DYM: variants seen among roughly 807,000 people sequenced by gnomAD.
The protein encoded by DYM is dymeclin, also known as dyggve-Melchior-Clausen syndrome protein.
Under a neutral mutation model 93.1 loss-of-function variants are expected in DYM, and 78 were observed. That is an observed-to-expected ratio of 0.84 (90% CI 0.70 to 1.01). The LOEUF is 1.01. Ranked by LOEUF, DYM falls within the 50% of genes least tolerant of loss-of-function variation. The pLI is 0.00. For synonymous variants in DYM, 321 were observed against 319.7 expected (o/e 1.00, Z -0.04); for missense variants, 789 against 845.0 (o/e 0.93, Z 0.82).
At chr18:49,452,569 A>G (rs1443048334) in intron 1 of DYM, among the ~76,000 whole-genome samples, 2 of 152,104 alleles carry the variant, frequency 1.3e-5, no homozygotes, top group Middle Eastern at 3.4e-3. Context: ...GCATTTACAA[A>G]CCTTGAGCTA....
At chr18:49,442,172 T>C (rs2081695234) in intron 1 of DYM, among the ~76,000 whole-genome samples, 1 of 152,168 alleles carries the variant, frequency 6.6e-6, no homozygotes, top group Non-Finnish European at 1.5e-5. Context: ...AATCAGTTTT[T>C]GGGTAGTCTC....
rs866432027 is a variant in DYM, at chr18:49,138,603, A to T, written c.1729-19677T>A. 7.2e-5 allele frequency among the ~76,000 whole-genome samples: 11 copies of T among 152,310 alleles called. No homozygotes were observed. In the Middle Eastern group the frequency reaches 0.01, roughly 141 times the overall value. The stretch of plus-strand genomic sequence containing the variant: ...TTAACAGGCTAATTGATGCAATTTA[A>T]TCAGTTCTCCCAATAGCTATCAGTT... On this transcript the variant is annotated intron_variant, in intron 15 of 17. Transcript: ENST00000675505.
intron 10 of DYM, among the ~76,000 whole-genome samples, chr18:49,280,018 C>G (rs1191157290): frequency 2.6e-5 from 4 of 152,130 alleles, no homozygotes; most frequent in Admixed American, 2.6e-4. Flanking sequence ...AAAACTGGTA[C>G]AGAGGGAACA....
intron 7 of DYM, among the ~76,000 whole-genome samples, chr18:49,332,384 G>T (rs766212655): frequency 2.0e-5 from 3 of 152,136 alleles, no homozygotes; most frequent in Non-Finnish European, 2.9e-5. Context: ...TTACAGGCGT[G>T]AGCCACCGTG....
chr18:49,044,709 G>A (rs1391767903), intron 17 of DYM, among the ~76,000 whole-genome samples: 2 of 152,232 alleles, frequency 1.3e-5, no homozygotes, highest in East Asian at 1.9e-4. Context: ...CTGGAGGAGC[G>A]GGGGTCTGGG....
At chr18:49,118,960 G>T in intron 15 of DYM, 34 bp from the exon 16 acceptor site, 3 of 1,576,820 alleles carry the variant, frequency 1.9e-6, no homozygotes, top group Non-Finnish European at 2.6e-6. Context: ...CACAGAGTCA[G>T]TCTTTTCCTC....
chr18:49,071,948 A>G (rs1047871252), intron 17 of DYM, among the ~76,000 whole-genome samples: 1 of 152,156 alleles, frequency 6.6e-6, no homozygotes, highest in African/African-American at 2.4e-5. Flanking sequence ...TAACTGCCAC[A>G]TGCACGCTGC....
rs778328204 is a variant in DYM, at chr18:49,061,092, C to A, written c.2026-16888G>T. 3.3e-5 allele frequency among the ~76,000 whole-genome samples: 5 copies of A among 152,278 alleles called. No homozygotes were observed. The South Asian group carries it at 6.2e-4, about 19-fold the overall frequency. ...AGAAGATACCAAAAAGTAGAGGCAG[C>A]GCCTCCGAACCATGGTGTTCATAAT... is the stretch of plus-strand genomic sequence containing the variant. On this transcript the variant is annotated intron_variant, in intron 17 of 17. Transcript: ENST00000675505.
At chr18:49,092,785 G>C (rs376436000) in intron 17 of DYM, among the ~76,000 whole-genome samples, 1 of 152,204 alleles carries the variant, frequency 6.6e-6, no homozygotes, top group African/African-American at 2.4e-5. Context: ...AAGGGTGGTA[G>C]AAGGAGAAGG....
intron 8 of DYM, among the ~76,000 whole-genome samples, chr18:49,317,488 A>C (rs1228042278): frequency 1.3e-5 from 2 of 151,456 alleles, no homozygotes; most frequent in Non-Finnish European, 2.9e-5. Context: ...GGTTTGCCAA[A>C]AGTCTTTAAC....
intron 17 of DYM, among the ~76,000 whole-genome samples, chr18:49,065,277 G>A (rs571140299): frequency 4.2e-4 from 64 of 152,248 alleles, no homozygotes; most frequent in African/African-American, 1.5e-3. Flanking sequence ...CAGTAACTCT[G>A]CTAACTCCAA....
chr18:49,100,140 GTA>G (rs999252572), intron 16 of DYM, among the ~76,000 whole-genome samples: 19 of 149,332 alleles, frequency 1.3e-4, no homozygotes, highest in African/African-American at 4.1e-4. Flanking sequence ...CTGGAAGGTT[GTA>G]AAGGCCAATA....
intron 13 of DYM, among the ~76,000 whole-genome samples, chr18:49,214,236 T>C (rs1488553084): frequency 2.0e-5 from 3 of 152,230 alleles, no homozygotes; most frequent in African/African-American, 7.2e-5. Flanking sequence ...AAGCTTCATC[T>C]GTATTCAGAG....
At chr18:49,409,442 G>A (rs2071947220) in intron 2 of DYM, among the ~76,000 whole-genome samples, 1 of 152,152 alleles carries the variant, frequency 6.6e-6, no homozygotes, top group South Asian at 2.1e-4. Context: ...AGGAGGTGAT[G>A]GAAGAGAAAC....
chr18:49,209,104 A>G (rs1164418925), intron 14 of DYM, among the ~76,000 whole-genome samples: 2 of 152,222 alleles, frequency 1.3e-5, no homozygotes, highest in African/African-American at 4.8e-5. Flanking sequence ...CTGCCTTCCT[A>G]TAAAATCAAC....
intron 15 of DYM, among the ~76,000 whole-genome samples, chr18:49,131,251 G>C (rs2083354923): frequency 6.6e-6 from 1 of 152,208 alleles, no homozygotes; most frequent in Admixed American, 6.5e-5. Context: ...CTGCCTTGCA[G>C]ATGCCACCTT....
At chr18:49,339,339 T>G (rs2063909559) in intron 6 of DYM, among the ~76,000 whole-genome samples, 1 of 152,254 alleles carries the variant, frequency 6.6e-6, no homozygotes, top group African/African-American at 2.4e-5. Flanking sequence ...GCCTGCTTCC[T>G]GCTATTCATG....
chr18:49,212,639 G>A (rs1264931810), intron 13 of DYM, among the ~76,000 whole-genome samples: 1 of 152,012 alleles, frequency 6.6e-6, no homozygotes, highest in Non-Finnish European at 1.5e-5. Flanking sequence ...GGAACCACAA[G>A]TGTGTGCCAC....
intron 14 of DYM, among the ~76,000 whole-genome samples, chr18:49,186,132 C>T (rs2090407525): frequency 6.6e-6 from 1 of 152,074 alleles, no homozygotes; most frequent in East Asian, 1.9e-4. Context: ...ATCCCTTTCA[C>T]TCTCTTAAAG....
Sources: allele counts gnomAD v4.1 joint callset (sites outside exome capture counted in the v4.1 genomes callset), GRCh38; gene constraint gnomAD v4.1.1; transcripts MANE v1.5; gene names NCBI Gene and HGNC (gene_info 2026-07-23, HGNC 2026-07-21).